Variants in HECW1 observed in about 807,000 individuals in gnomAD.
HECW1 encodes the protein HECT, C2 and WW domain containing E3 ubiquitin protein ligase 1.
Under a neutral mutation model 182.3 loss-of-function variants are expected in HECW1, and 61 were observed. The ratio of observed to expected loss-of-function variants is 0.33; its 90% CI spans 0.27 to 0.41. HECW1 has a LOEUF of 0.41. HECW1 is among the 10% of genes least tolerant of loss of function. The probability of loss-of-function intolerance (pLI) is 1.00; values close to 1 mark genes in which losing one functional copy is unlikely to be tolerated. For missense variants in HECW1, 1,739 were observed against 2,108.9 expected (o/e 0.82, Z 3.44); for synonymous variants, 859 against 832.6 (o/e 1.03, Z -0.55).
intron 13 of HECW1, among the ~76,000 whole-genome samples, chr7:43,460,535 C>T (rs148949025): frequency 1.8e-4 from 27 of 151,598 alleles, no homozygotes; most frequent in Non-Finnish European, 1.5e-4. Flanking sequence ...TGTGTGTGCG[C>T]GCGTGCGTGT....
At chr7:43,191,881 A>G (rs2152683656) in intron 2 of HECW1, among the ~76,000 whole-genome samples, 1 of 152,312 alleles carries the variant, frequency 6.6e-6, no homozygotes, top group South Asian at 2.1e-4. Context: ...TACATTTTTG[A>G]TGGCTTAGCC....
chr7:43,366,984 G>A (rs779963981), intron 6 of HECW1, among the ~76,000 whole-genome samples: 1 of 152,146 alleles, frequency 6.6e-6, no homozygotes, highest in African/African-American at 2.4e-5. Context: ...TATTCATTAT[G>A]TTATGTAAAG....
At chr7:43,521,099 A>G (rs996542643) in intron 24 of HECW1, among the ~76,000 whole-genome samples, 9 of 152,178 alleles carry the variant, frequency 5.9e-5, no homozygotes, top group Non-Finnish European at 1.2e-4. Flanking sequence ...AGTTCACCAA[A>G]AGGACATAAG....
At chr7:43,358,480 A>C (rs942130219) in intron 5 of HECW1, among the ~76,000 whole-genome samples, 2 of 152,330 alleles carry the variant, frequency 1.3e-5, no homozygotes, top group Admixed American at 1.3e-4. Context: ...CTCAAAGTAC[A>C]GGCATATCTG....
At chr7:43,342,012 C>T (rs1178793983) in intron 5 of HECW1, among the ~76,000 whole-genome samples, 1 of 151,580 alleles carries the variant, frequency 6.6e-6, no homozygotes, top group Non-Finnish European at 1.5e-5. Flanking sequence ...GTAATTTTAT[C>T]CCTTTGAATG....
intron 5 of HECW1, among the ~76,000 whole-genome samples, chr7:43,321,994 G>A (rs778506932): frequency 2.0e-5 from 3 of 152,170 alleles, no homozygotes; most frequent in Non-Finnish European, 4.4e-5. Flanking sequence ...AGGGTGTAGA[G>A]GGAACATGAT....
chr7:43,339,774 G>A lies in HECW1; in HGVS notation c.460+19032G>A, dbSNP rs185997855. 2.6e-3 allele frequency among the ~76,000 whole-genome samples: 389 copies of A among 152,194 alleles called. 1 individual carries two copies. Among genetic ancestry groups the A allele is most frequent in the African/African-American group, 9.2e-3 (381 of 41,520 alleles). The stretch of plus-strand genomic sequence containing the variant: ...CTCCGCGGGGTGCAGTCCAATTCTG[G>A]TAAGCCACAGTCTCCCTCTGGCTAT... On this transcript the variant is annotated intron_variant, in intron 5 of 29. Transcript: ENST00000395891.
intron 3 of HECW1, chr7:43,274,372 C>A: frequency 1.5e-6 from 1 of 652,454 alleles, no homozygotes; most frequent in Non-Finnish European, 2.7e-6. Flanking sequence ...TGAGAAGGTC[C>A]CCCTGCGGGT....
intron 5 of HECW1, among the ~76,000 whole-genome samples, chr7:43,332,263 A>T (rs1023617842): frequency 1.2e-4 from 18 of 152,328 alleles, no homozygotes; most frequent in African/African-American, 4.3e-4. Context: ...TACAAAATGA[A>T]TCTCTTTTGC....
chr7:43,525,065 T>G (rs1261353539), intron 24 of HECW1, among the ~76,000 whole-genome samples: 2 of 152,224 alleles, frequency 1.3e-5, no homozygotes, highest in African/African-American at 4.8e-5. Context: ...AAACTCTTTT[T>G]TATGAATGTA....
intron 5 of HECW1, among the ~76,000 whole-genome samples, chr7:43,337,310 G>A (rs1053384867): frequency 6.6e-6 from 1 of 152,160 alleles, no homozygotes; most frequent in Non-Finnish European, 1.5e-5. Flanking sequence ...GCATGTGTTT[G>A]TTGACCACTT....
intron 2 of HECW1, among the ~76,000 whole-genome samples, chr7:43,224,089 G>A (rs1483924033): frequency 1.3e-5 from 2 of 152,152 alleles, no homozygotes; most frequent in Non-Finnish European, 2.9e-5. Context: ...TCTCACTCTA[G>A]AATGTAAGCT....
At chr7:43,265,968 G>A (rs1469012263) in intron 3 of HECW1, among the ~76,000 whole-genome samples, 1 of 152,130 alleles carries the variant, frequency 6.6e-6, no homozygotes, top group Non-Finnish European at 1.5e-5. Context: ...TGTGGATTCT[G>A]GAGGGTGGGG....
chr7:43,463,649 C>G lies in HECW1; in HGVS notation c.2652-11C>G. The G allele has an allele frequency of 6.2e-7, 1 of 1,608,556 alleles. No individual in the cohort carries two copies. Among genetic ancestry groups the G allele is most frequent in the Non-Finnish European group, 8.5e-7 (1 of 1,175,770 alleles). On this transcript the variant is annotated splice_polypyrimidine_tract_variant and intron_variant, in intron 13 of 29. Coordinates refer to ENST00000395891, the MANE Select transcript of HECW1 (RefSeq NM_015052.5). Reference sequence around the variant, plus strand: ...AAGTTAACTCCTGTCTTTCCATTTTCTAATGCAAAGGTATCAAAACATTCA... The same window carrying G: ...AAGTTAACTCCTGTCTTTCCATTTTGTAATGCAAAGGTATCAAAACATTCA...
At chr7:43,307,030 CAAAT>C (rs1432808418) in intron 3 of HECW1, among the ~76,000 whole-genome samples, 2 of 151,916 alleles carry the variant, frequency 1.3e-5, no homozygotes, top group Non-Finnish European at 2.9e-5. Context: ...GAAAGCAAAA[CAAAT>C]AAACAAAACA....
Position 43,311,871 on chromosome 7 carries a change from G to A in HECW1, c.136G>A (p.Asp46Asn), listed in dbSNP as rs866226633. ...GCCGCTCCGATACAGCTACAACCCC[G>A]ACCAGTTCCACAACATGGACCTCAG... ...KEPLRYSYNP[D>N]QFHNMDLRGG... Residue 46 changes from aspartate to asparagine, a missense_variant, in exon 4 of 30, where the codon GAC (aspartate) becomes AAC (asparagine). Asp to Asn is a conservative substitution (Grantham distance 23, BLOSUM62 1). Transcript: ENST00000395891. The A allele has an allele frequency of 6.2e-7, 1 of 1,614,160 alleles. No homozygotes were observed. The highest frequency in any genetic ancestry group is 8.5e-7 in the Non-Finnish European group (1 of 1,180,042).
At chr7:43,126,067 C>CTTTTTTTTT (rs71008891) in intron 2 of HECW1, among the ~76,000 whole-genome samples, 10 of 103,974 alleles carry the variant, frequency 9.6e-5, no homozygotes, top group African/African-American at 1.5e-4. Context: ...TTTGTTCTCA[C>CTTTTTTTTT]TTTTTTTTTT....
chr7:43,327,676 G>A (rs1810968395), intron 5 of HECW1, among the ~76,000 whole-genome samples: 1 of 152,086 alleles, frequency 6.6e-6, no homozygotes, highest in Non-Finnish European at 1.5e-5. Flanking sequence ...TGCTAGAGAG[G>A]CATCCCCTGG....
intron 8 of HECW1, among the ~76,000 whole-genome samples, chr7:43,435,380 C>T (rs2076678574): frequency 6.6e-6 from 1 of 152,146 alleles, no homozygotes; most frequent in African/African-American, 2.4e-5. Context: ...GATTCTCAAA[C>T]TTGACATGTC....
Sources: gnomAD v4.1 joint callset for allele counts (sites outside exome capture counted in the v4.1 genomes callset) on GRCh38, gnomAD v4.1.1 for gene constraint, MANE v1.5 for transcripts, NCBI Gene and HGNC (gene_info 2026-07-23, HGNC 2026-07-21) for gene names.